The following IDO2 variants were observed in gnomAD, a reference collection of about 807,000 sequenced individuals.
The protein encoded by IDO2 is indoleamine 2,3-dioxygenase-like 1 protein.
In IDO2, 46 loss-of-function variants were observed where a neutral mutation model predicts 45.1. The observed-to-expected ratio is 1.02, with a 90% confidence interval of 0.80 to 1.30. The LOEUF is 1.30. Ranked by LOEUF, IDO2 falls within the 50% of genes most tolerant of loss-of-function variation. The pLI is 0.00. For synonymous variants in IDO2, 218 were observed against 184.9 expected, an observed-to-expected ratio of 1.18 and a Z score of -1.45; for missense variants, 544 against 491.8, an observed-to-expected ratio of 1.11 and a Z score of -1.00.
At chr8:39,956,900 G>A (rs900821391) in intron 2 of IDO2, among the ~76,000 whole-genome samples, 7 of 151,500 alleles carry the variant, frequency 4.6e-5, no homozygotes, top group East Asian at 1.9e-4. Context: ...AAAATCAGCC[G>A]GACGTGGTGG....
chr8:39,961,782 T>C (rs1808001154), intron 2 of IDO2, among the ~76,000 whole-genome samples: 1 of 152,216 alleles, frequency 6.6e-6, no homozygotes, highest in Non-Finnish European at 1.5e-5. Flanking sequence ...TCACCTGCAT[T>C]TCTGTTTCAA....
At chr8:39,978,253 G>A (rs1340366751) in intron 3 of IDO2, among the ~76,000 whole-genome samples, 1 of 152,240 alleles carries the variant, frequency 6.6e-6, no homozygotes, top group African/African-American at 2.4e-5. Context: ...ACCCCCTGCC[G>A]CCCTCCTTTC....
At chr8:39,985,446 A>G (rs1202107127) in intron 5 of IDO2, 62 bp from the exon 6 acceptor site, 67 of 1,416,944 alleles carry the variant, frequency 4.7e-5, no homozygotes, top group Non-Finnish European at 6.5e-5. Context: ...TGGTTTACAA[A>G]CTGAATTGTT....
intron 9 of IDO2, among the ~76,000 whole-genome samples, chr8:40,011,239 G>A (rs1802306199): frequency 6.6e-6 from 1 of 152,162 alleles, no homozygotes; most frequent in Non-Finnish European, 1.5e-5. Flanking sequence ...AAATCTATGA[G>A]GCTAGAGAAG....
At chr8:39,936,861 C>A (rs954661516) in intron 1 of IDO2, among the ~76,000 whole-genome samples, 2 of 152,194 alleles carry the variant, frequency 1.3e-5, no homozygotes, top group Non-Finnish European at 2.9e-5. Flanking sequence ...ACGTGGAAGT[C>A]GTCCTTCCTT....
At chr8:39,963,788 T>C in intron 3 of IDO2, 85 bp downstream of exon 3, 2 of 777,544 alleles carry the variant, frequency 2.6e-6, no homozygotes, top group Admixed American at 2.7e-5. Flanking sequence ...GTGTGTCAAT[T>C]GTCCTGGGAA....
chr8:39,989,751 C>T lies in IDO2; in HGVS notation c.580C>T (p.Gln194Ter), dbSNP rs1202466485. The change falls in exon 8 of 11, where the codon CAG becomes TAG. Residue 194 changes from glutamine to a stop codon, truncating the protein, a stop_gained. Transcript: ENST00000502986. LOFTEE classifies it high-confidence loss of function. ...TGTTCAGGCCACGAATGCTATCTTG[C>T]AGCCCAACCAGGAGGCCCTGCTCCA... 1.2e-6 allele frequency: 2 copies of T among 1,600,324 alleles called. No homozygotes were observed. The highest frequency in any genetic ancestry group is 1.7e-6 in the Non-Finnish European group (2 of 1,173,588).
chr8:39,961,621 C>T (rs963335228), intron 2 of IDO2, among the ~76,000 whole-genome samples: 3 of 152,092 alleles, frequency 2.0e-5, no homozygotes, highest in African/African-American at 7.2e-5. Flanking sequence ...CGTGCCCAGC[C>T]CCAATTGTAT....
chr8:39,999,613 G>T (rs1419496426), intron 8 of IDO2, among the ~76,000 whole-genome samples: 3 of 151,958 alleles, frequency 2.0e-5, no homozygotes, highest in African/African-American at 7.2e-5. Flanking sequence ...ACAGGCACCT[G>T]CCAACATGCA....
chr8:40,003,391 A>AAAT (rs961166006), intron 8 of IDO2, among the ~76,000 whole-genome samples: 5 of 142,976 alleles, frequency 3.5e-5, no homozygotes, highest in African/African-American at 1.3e-4. Context: ...AAAAAAAAAA[A>AAAT]GAAAACGAGA....
chr8:39,974,984 CT>C (rs1283482052), intron 3 of IDO2, among the ~76,000 whole-genome samples: 18 of 151,904 alleles, frequency 1.2e-4, no homozygotes, highest in African/African-American at 4.3e-4. Flanking sequence ...TGGCATGAGC[CT>C]GTAATCTCAG....
At chr8:39,969,667 G>C (rs899721444) in intron 3 of IDO2, among the ~76,000 whole-genome samples, 9 of 152,156 alleles carry the variant, frequency 5.9e-5, no homozygotes, top group Non-Finnish European at 8.8e-5. Flanking sequence ...CTGAGTTCAG[G>C]ACTTCGAGAC....
At chr8:39,999,761 C>G (rs1376211220) in intron 8 of IDO2, among the ~76,000 whole-genome samples, 1 of 152,154 alleles carries the variant, frequency 6.6e-6, no homozygotes, top group African/African-American at 2.4e-5. Flanking sequence ...CCATGCCTGG[C>G]CAAAATTGTT....
chr8:39,964,685 G>A (rs888431233), intron 3 of IDO2, among the ~76,000 whole-genome samples: 2 of 152,208 alleles, frequency 1.3e-5, no homozygotes, highest in African/African-American at 2.4e-5. Flanking sequence ...TGTGAAGATA[G>A]CAAACTAAAC....
intron 2 of IDO2, among the ~76,000 whole-genome samples, chr8:39,956,206 G>A (rs909184262): frequency 2.3e-4 from 35 of 151,882 alleles, no homozygotes; most frequent in Non-Finnish European, 3.2e-4. Context: ...TTACAGGCAC[G>A]CACCACCATG....
intron 1 of IDO2, among the ~76,000 whole-genome samples, chr8:39,945,484 G>A (rs1014986602): frequency 1.3e-5 from 2 of 152,238 alleles, no homozygotes; most frequent in African/African-American, 4.8e-5. Flanking sequence ...TGCATGTTTG[G>A]TGAACCTGGC....
chr8:39,958,846 A>G (rs1807944802), intron 2 of IDO2, among the ~76,000 whole-genome samples: 1 of 152,226 alleles, frequency 6.6e-6, no homozygotes, highest in African/African-American at 2.4e-5. Flanking sequence ...TTAATCTAAC[A>G]AAGAGTTTAG....
At chr8:39,937,458 A>T (rs1282242726) in intron 1 of IDO2, among the ~76,000 whole-genome samples, 1 of 152,100 alleles carries the variant, frequency 6.6e-6, no homozygotes, top group Non-Finnish European at 1.5e-5. Flanking sequence ...AATGAACTTT[A>T]TGTAATGTAA....
intron 5 of IDO2, among the ~76,000 whole-genome samples, chr8:39,983,374 A>T (rs572520163): frequency 6.6e-6 from 1 of 152,274 alleles, no homozygotes; most frequent in East Asian, 1.9e-4. Flanking sequence ...TTTCACCTTA[A>T]TTTTTGCAGC....
Sources: allele counts gnomAD v4.1 joint callset (sites outside exome capture counted in the v4.1 genomes callset), GRCh38; gene constraint gnomAD v4.1.1; transcripts MANE v1.5; gene names NCBI Gene and HGNC (gene_info 2026-07-23, HGNC 2026-07-21).